EIF4ENIF1: variants seen among roughly 807,000 people sequenced by gnomAD.
The protein encoded by EIF4ENIF1 is eukaryotic translation initiation factor 4E nuclear import factor 1, also known as eukaryotic translation initiation factor 4E transporter.
EIF4ENIF1 carries 23 observed loss-of-function variants against 110.5 expected under a neutral mutation model. The observed-to-expected ratio is 0.21, with a 90% confidence interval of 0.15 to 0.29. The LOEUF (loss-of-function observed/expected upper bound fraction) is 0.29, where lower values mean the gene tolerates loss of function less well. Ranked by LOEUF, EIF4ENIF1 falls within the 10% of genes least tolerant of loss-of-function variation. The pLI is 1.00. For missense variants in EIF4ENIF1, 1,031 were observed against 1,221.1 expected (o/e 0.84, Z 2.32); for synonymous variants, 440 against 437.0 (o/e 1.01, Z -0.09).
chr22:31,489,503 C>T (rs2052181015), intron 1 of EIF4ENIF1, 191 bp downstream of exon 1: 1 of 150,084 alleles, frequency 6.7e-6, no homozygotes, highest in South Asian at 2.1e-4. Flanking sequence ...GGCTCGGTCC[C>T]CGCCAGCCAG....
At chr22:31,461,372 A>C (rs2145978658) in intron 6 of EIF4ENIF1, among the ~76,000 whole-genome samples, 1 of 152,256 alleles carries the variant, frequency 6.6e-6, no homozygotes, top group Admixed American at 6.5e-5. Flanking sequence ...CTTCACACAC[A>C]TTAGCTCTGG....
At chr22:31,480,402 T>G (rs190293540) in intron 2 of EIF4ENIF1, among the ~76,000 whole-genome samples, 109 of 152,358 alleles carry the variant, frequency 7.2e-4, no homozygotes, top group African/African-American at 2.4e-3. Flanking sequence ...TGCATTCTGA[T>G]GGACCTTCTG....
intron 3 of EIF4ENIF1, among the ~76,000 whole-genome samples, chr22:31,469,452 G>T (rs187635282): frequency 1.3e-5 from 2 of 152,286 alleles, no homozygotes; most frequent in African/African-American, 4.8e-5. Context: ...GACATAGCAG[G>T]TACCAATGAA....
At chr22:31,466,643 G>GGGC (rs1299777653) in intron 4 of EIF4ENIF1, among the ~76,000 whole-genome samples, 1 of 121,058 alleles carries the variant, frequency 8.3e-6, no homozygotes, top group Admixed American at 9.2e-5. Flanking sequence ...GAAGTGTTGT[G>GGGC]GGGGGGGCAG....
At position 31,449,506 on chromosome 22, in the gene EIF4ENIF1, C is replaced by T. The variant is rs2050583300; in HGVS notation, c.1610G>A (p.Arg537Lys). 6.2e-7 allele frequency: 1 copy of T among 1,613,710 alleles called. No homozygotes were observed. Among genetic ancestry groups the T allele is most frequent in the South Asian group, 1.1e-5 (1 of 90,996 alleles). ...ACTCAGAAGATTGGAAGAAGCAGGT[C>T]TCTGAACTGGTTGACCCAGAAGTTC... is the stretch of plus-strand genomic sequence containing the variant. The part of the protein sequence containing the change: ...LQELLGQPVQ[R>K]PASSNLLSGL... Residue 537 changes from arginine to lysine, a missense_variant, in exon 12 of 19, where the codon AGA becomes AAA. By Grantham distance (26) the Arg-to-Lys change is conservative. Coordinates refer to ENST00000330125, the MANE Select transcript of EIF4ENIF1 (RefSeq NM_019843.4).
intron 7 of EIF4ENIF1, among the ~76,000 whole-genome samples, chr22:31,457,798 T>C (rs1421363762): frequency 1.3e-5 from 2 of 152,222 alleles, no homozygotes; most frequent in Non-Finnish European, 1.5e-5. Flanking sequence ...TAGATGCTCA[T>C]ACCTTAAATA....
intron 6 of EIF4ENIF1, 79 bp from the exon 7 acceptor site, chr22:31,458,729 A>G: frequency 7.4e-7 from 1 of 1,349,942 alleles, no homozygotes; most frequent in South Asian, 1.7e-5. Context: ...CCATCAGTAT[A>G]CATGTAGAAG....
At chr22:31,444,511 A>G in intron 15 of EIF4ENIF1, 95 bp downstream of exon 15, 1 of 1,178,120 alleles carries the variant, frequency 8.5e-7, no homozygotes, top group Non-Finnish European at 1.3e-6. Context: ...CGTGGAAGGA[A>G]CTCAAGGACA....
chr22:31,470,655 A>T (rs1400258128), intron 3 of EIF4ENIF1, among the ~76,000 whole-genome samples: 3 of 144,886 alleles, frequency 2.1e-5, no homozygotes, highest in Non-Finnish European at 4.5e-5. Context: ...AAAGCATCAT[A>T]TTAATGTTCA....
At chr22:31,438,623 T>TATCTA (rs1237147893), downstream of EIF4ENIF1, among the ~76,000 whole-genome samples, 1 of 152,236 alleles carries the variant, frequency 6.6e-6, no homozygotes, top group African/African-American at 2.4e-5. Context: ...AAGGCTATGC[T>TATCTA]ATCTATAGGG....
chr22:31,448,631 G>C (rs2050552246), intron 12 of EIF4ENIF1, among the ~76,000 whole-genome samples: 1 of 152,210 alleles, frequency 6.6e-6, no homozygotes, highest in Non-Finnish European at 1.5e-5. Flanking sequence ...AGGTTTGTTT[G>C]GCAGGAGCCA....
chr22:31,448,281 C>T (rs753798502), intron 12 of EIF4ENIF1, 49 bp from the exon 13 acceptor site: 3 of 1,579,492 alleles, frequency 1.9e-6, no homozygotes, highest in African/African-American at 1.3e-5. Context: ...ATGTGTGCAT[C>T]AGGGAGGCAT....
Position 31,464,292 on chromosome 22 carries a change from G to C in EIF4ENIF1, c.299-325C>G, listed in dbSNP as rs73398220. 9.5e-3 allele frequency: 2,312 copies of C among 243,988 alleles called. 61 individuals carry two copies. Among genetic ancestry groups the C allele is most frequent in the African/African-American group, 0.048 (2,132 of 44,092 alleles). 15.1% of individuals were successfully genotyped at this position (243,988 alleles called of 1,614,324 possible). A position where few individuals can be genotyped will look rare whatever the true frequency, so the allele number is the denominator to read the frequency against. ...TGTCAACTAATAAACTACAGCAGGCGTATTTGAAAAAATAACTGCTTAAAA... is the reference window on the plus strand; with the variant it reads ...TGTCAACTAATAAACTACAGCAGGCCTATTTGAAAAAATAACTGCTTAAAA... On this transcript the variant is annotated intron_variant, in intron 4 of 18. Coordinates refer to ENST00000330125, the MANE Select transcript of EIF4ENIF1 (RefSeq NM_019843.4).
Position 31,442,064 on chromosome 22 carries a change from G to A in EIF4ENIF1, c.2261C>T (p.Thr754Ile). ...VPSADRDSSP[T>I]TNSKLSALQR... ...TAATGCTGACAGTTTGGAATTTGTA[G>A]TGGGAGAAGAGTCTCGATCGGCACT... The change falls in exon 17 of 19, where the codon ACT (threonine) becomes ATT (isoleucine). Residue 754 changes from threonine (T) to isoleucine (I), a missense_variant. Transcript: ENST00000330125. 6.2e-7 allele frequency: 1 copy of A among 1,614,182 alleles called. No individual in the cohort carries two copies. The highest frequency in any genetic ancestry group is 1.3e-5 in the African/African-American group (1 of 75,048).
intron 2 of EIF4ENIF1, among the ~76,000 whole-genome samples, chr22:31,485,090 TAG>T (rs753690643): frequency 1.3e-5 from 2 of 152,230 alleles, no homozygotes; most frequent in Non-Finnish European, 2.9e-5. Flanking sequence ...ATAGAATTAC[TAG>T]AGTGTTGAAA....
At chr22:31,446,215 G>A (rs2050469872) in intron 14 of EIF4ENIF1, among the ~76,000 whole-genome samples, 1 of 141,074 alleles carries the variant, frequency 7.1e-6, no homozygotes, top group Non-Finnish European at 1.5e-5. Context: ...AACCCAGGAG[G>A]AGGAGGTTGC....
chr22:31,439,922 G>A lies in EIF4ENIF1; in HGVS notation c.2916C>T (p.Pro972=), dbSNP rs149013590. 1.6e-5 allele frequency: 26 copies of A among 1,614,050 alleles called. No homozygotes were observed. The highest frequency in any genetic ancestry group is 7.7e-5 in the South Asian group (7 of 91,078). The change falls in exon 19 of 19, where the codon CCC becomes CCT. Residue 972 remains proline (P), a synonymous_variant. Coordinates refer to ENST00000330125, the MANE Select transcript of EIF4ENIF1 (RefSeq NM_019843.4). ...DVLQQPLPSM[P]AKVISVDELE... ...ATTCATCTACACTGATAACTTTGGC[G>A]GGCATGGAGGGCAGGGGTTGCTGTA...
intron 9 of EIF4ENIF1, 108 bp downstream of exon 9, chr22:31,455,028 T>C: frequency 2.2e-6 from 2 of 910,418 alleles, no homozygotes; most frequent in South Asian, 4.8e-5. Flanking sequence ...AAAAACCCAA[T>C]ATATATTTGA....
At chr22:31,470,092 A>C (rs916191332) in intron 3 of EIF4ENIF1, among the ~76,000 whole-genome samples, 1 of 134,718 alleles carries the variant, frequency 7.4e-6, no homozygotes, top group African/African-American at 2.8e-5. Flanking sequence ...TGAACCCGGG[A>C]GGGGAAGGTT....
Sources: gnomAD v4.1 joint callset for allele counts (sites outside exome capture counted in the v4.1 genomes callset) on GRCh38, gnomAD v4.1.1 for gene constraint, MANE v1.5 for transcripts, NCBI Gene and HGNC (gene_info 2026-07-23, HGNC 2026-07-21) for gene names.